The following RFC5 variants were observed in gnomAD, a reference collection of about 807,000 sequenced individuals.
RFC5 encodes the protein A1 36 kDa subunit.
A neutral mutation model predicts 44.3 loss-of-function variants in RFC5; 26 were observed. That is an observed-to-expected ratio of 0.59 (90% confidence interval 0.43 to 0.81). The LOEUF (loss-of-function observed/expected upper bound fraction) is 0.81. RFC5 is among the 40% of genes least tolerant of loss of function. The probability of loss-of-function intolerance (pLI) is 0.00; values close to 1 mark genes in which losing one functional copy is unlikely to be tolerated. For missense variants in RFC5, 328 were observed against 418.6 expected (o/e 0.78, Z 1.89); for synonymous variants, 155 against 155.2 (o/e 1.00, Z 0.01).
chr12:118,041,000 G>A, the RFC5 span, among the ~76,000 whole-genome samples: 4 of 152,242 alleles, frequency 2.6e-5, no homozygotes, highest in African/African-American at 9.6e-5. Flanking sequence ...AGTGAGCTGA[G>A]ATCGTGCCAC....
At chr12:118,017,998 C>T (rs1282935117) in intron 1 of RFC5, 9 of 701,252 alleles carry the variant, frequency 1.3e-5, no homozygotes, top group Non-Finnish European at 2.1e-5. Flanking sequence ...CCTCTAGCCC[C>T]TGGCAACCAC....
At position 118,019,235 on chromosome 12, in the gene RFC5, G is replaced by A; in HGVS notation, c.130+99G>A. On this transcript the variant is annotated intron_variant, in intron 2 of 10. Transcript: ENST00000454402. This position sits in a 1 kb window ranked among gnomAD's most constrained non-coding sequence, Gnocchi z 4.2. ...CCTAAGTAATAACTTCAAAGAATCT[G>A]ATTGCGCTTTGTAGAATGTGGCTTT... 2 of 882,808 alleles carry A rather than the reference G, an allele frequency of 2.3e-6. No homozygotes were observed. The highest frequency in any genetic ancestry group is 3.8e-6 in the Non-Finnish European group (2 of 528,070). The allele number at this position is 882,808 out of a possible 1,614,324, so 54.7% of individuals were successfully genotyped here.
At chr12:118,039,656 T>C in the RFC5 span, among the ~76,000 whole-genome samples, 4 of 152,120 alleles carry the variant, frequency 2.6e-5, 1 homozygote, top group African/African-American at 4.8e-5. Flanking sequence ...GAAAAAATAA[T>C]TGTTATACGC....
intron 7 of RFC5, among the ~76,000 whole-genome samples, 169 bp downstream of exon 7, chr12:118,025,997 C>T (rs1002633849): frequency 2.0e-5 from 3 of 151,800 alleles, no homozygotes; most frequent in African/African-American, 7.3e-5. Context: ...TGCCCGCCAC[C>T]ACGCCCTACT....
chr12:118,029,418 G>A (rs751603040), intron 9 of RFC5, among the ~76,000 whole-genome samples: 20 of 152,290 alleles, frequency 1.3e-4, no homozygotes, highest in South Asian at 4.1e-4. Flanking sequence ...GTGAGACCCC[G>A]TCTCAAAATA....
intron 9 of RFC5, among the ~76,000 whole-genome samples, chr12:118,029,364 G>C (rs2031166997): frequency 6.6e-6 from 1 of 152,164 alleles, no homozygotes; most frequent in African/African-American, 2.4e-5. Flanking sequence ...GCTGCAGTGA[G>C]TCATGATCAC....
chr12:118,039,766 C>CA, the RFC5 span, among the ~76,000 whole-genome samples: 1 of 151,090 alleles, frequency 6.6e-6, no homozygotes, highest in Non-Finnish European at 1.5e-5. Context: ...TTTTTTGAGA[C>CA]AGAGTCTTGT....
chr12:118,028,745 G>A (rs575301212), intron 9 of RFC5, among the ~76,000 whole-genome samples: 32 of 151,982 alleles, frequency 2.1e-4, no homozygotes, highest in South Asian at 1.7e-3. Context: ...GCAGGCTTAA[G>A]GAAAACATCT....
At chr12:118,039,708 G>C in the RFC5 span, among the ~76,000 whole-genome samples, 1 of 151,988 alleles carries the variant, frequency 6.6e-6, no homozygotes, top group Non-Finnish European at 1.5e-5. Flanking sequence ...AGTTTATGCG[G>C]ATGTATGGAT....
Position 118,019,752 on chromosome 12 carries a change from G to C in RFC5, c.251G>C (p.Gly84Ala), listed in dbSNP as rs1418662095. ...CAGCTATATAAAGACAAAGAATTTG[G>C]CTCCATGGTCTTGGAGGTAAATAAG... is the stretch of plus-strand genomic sequence containing the variant. ...AKQLYKDKEF[G>A]SMVLELNASD... The change falls in exon 3 of 11, where the codon GGC (glycine) becomes GCC (alanine). Residue 84 changes from glycine to alanine, a missense_variant. Gly to Ala is a moderately conservative substitution (Grantham distance 60, BLOSUM62 0). Transcript: ENST00000454402. This position sits in a 1 kb window ranked among gnomAD's most constrained non-coding sequence, Gnocchi z 4.2. The C allele has an allele frequency of 3.1e-6, 5 of 1,613,798 alleles. No individual in the cohort carries two copies. Among genetic ancestry groups the C allele is most frequent in the Non-Finnish European group, 4.2e-6 (5 of 1,179,800 alleles).
chr12:118,016,759 C>G lies in RFC5; in HGVS notation c.-69C>G. 1 of 1,344,900 alleles carries G rather than the reference C, an allele frequency of 7.4e-7. No homozygotes were observed. The highest frequency in any genetic ancestry group is 1.0e-6 in the Non-Finnish European group (1 of 956,558). The allele number at this position is 1,344,900 out of a possible 1,614,324, so 83.3% of individuals were successfully genotyped here. On this transcript the variant is annotated 5_prime_UTR_variant, in exon 1 of 11. Transcript: ENST00000454402. The stretch of plus-strand genomic sequence containing the variant: ...CCAGGGTCTCAGGGTCAGGTCGCGG[C>G]TGGTCACTGTGCAGGCGCTTGGGTG...
At chr12:118,040,962 T>G in the RFC5 span, among the ~76,000 whole-genome samples, 2 of 152,240 alleles carry the variant, frequency 1.3e-5, no homozygotes, top group Admixed American at 6.5e-5. Flanking sequence ...GACACAAGAA[T>G]GACTTGAACC....
downstream of RFC5, chr12:118,032,858 G>T (rs1281109424): frequency 6.6e-6 from 1 of 152,118 alleles, no homozygotes; most frequent in South Asian, 2.1e-4. Flanking sequence ...TGTTTTAAAA[G>T]GGGACTTTTT....
chr12:118,016,797 C>G lies in RFC5; in HGVS notation c.-31C>G, dbSNP rs778072042. ...AGGCGCTTGGGTGACGCGACGATCT[C>G]AGCGGATCTGGTCACCTTCGTCTCC... On this transcript the variant is annotated 5_prime_UTR_variant, in exon 1 of 11. Transcript: ENST00000454402. The G allele has an allele frequency of 2.5e-6, 4 of 1,594,470 alleles. No individual in the cohort carries two copies. The highest frequency in any genetic ancestry group is 1.7e-5 in the Admixed American group (1 of 57,804).
intron 7 of RFC5, 44 bp from the exon 8 acceptor site, chr12:118,026,845 G>C: frequency 6.3e-7 from 1 of 1,591,410 alleles, no homozygotes; most frequent in Non-Finnish European, 8.6e-7. Context: ...GGTGGCAGCT[G>C]TGACAGCCAC....
chr12:118,027,321 T>A (rs2031015693), intron 8 of RFC5: 1 of 327,584 alleles, frequency 3.1e-6, no homozygotes, highest in South Asian at 3.8e-5. Context: ...GTCATGATAG[T>A]GATAGCTCTT....
At chr12:118,017,909 C>CCCGCTAT (rs1373069159) in intron 1 of RFC5, 1 of 672,518 alleles carries the variant, frequency 1.5e-6, no homozygotes, top group East Asian at 2.7e-5. Context: ...GTGGAGTCTT[C>CCCGCTAT]CCGCTATCTA....
intron 8 of RFC5, 73 bp from the exon 9 acceptor site, chr12:118,027,880 G>A (rs532261448): frequency 4.5e-6 from 4 of 898,802 alleles, no homozygotes; most frequent in Admixed American, 3.6e-5. Context: ...TCTCTTGCCC[G>A]GGTTTGGATT....
chr12:118,020,124 T>G (rs918119437), intron 3 of RFC5, among the ~76,000 whole-genome samples: 1 of 152,230 alleles, frequency 6.6e-6, no homozygotes, highest in Admixed American at 6.5e-5. Flanking sequence ...CTACTGACTA[T>G]AAGCTCACTT....
Sources: allele counts gnomAD v4.1 joint callset (sites outside exome capture counted in the v4.1 genomes callset), GRCh38; gene constraint gnomAD v4.1.1; non-coding constraint Gnocchi (gnomAD v3.1); transcripts MANE v1.5; gene names NCBI Gene and HGNC (gene_info 2026-07-23, HGNC 2026-07-21).